PNLDC1: variants seen among roughly 807,000 people sequenced by gnomAD.
PNLDC1 encodes the protein PARN like ribonuclease domain containing exonuclease 1, also known as poly(A)-specific ribonuclease PNLDC1.
A neutral mutation model predicts 82.0 loss-of-function variants in PNLDC1; 70 were observed. The ratio of observed to expected loss-of-function variants is 0.85; its 90% CI spans 0.70 to 1.04. PNLDC1 has a LOEUF of 1.04. PNLDC1 is among the 50% of genes least tolerant of loss of function. The pLI is 0.00. For synonymous variants in PNLDC1, 280 were observed against 249.3 expected (o/e 1.12, Z -1.16); for missense variants, 631 against 661.1 (o/e 0.95, Z 0.50).
chr6:159,808,876 C>T (rs1781547795), intron 8 of PNLDC1, 60 bp downstream of exon 8: 10 of 1,599,190 alleles, frequency 6.3e-6, no homozygotes, highest in Non-Finnish European at 8.6e-6. Context: ...CATAATTGGC[C>T]AAATCTGGCC....
chr6:159,803,701 G>C (rs1225844473), intron 4 of PNLDC1, among the ~76,000 whole-genome samples: 9 of 152,184 alleles, frequency 5.9e-5, no homozygotes, highest in Admixed American at 5.9e-4. Flanking sequence ...AGTTGAGGGT[G>C]CCAGCCTGCA....
chr6:159,803,993 C>G lies in PNLDC1; in HGVS notation c.277C>G (p.Leu93Val), dbSNP rs138958903. 1 of 1,613,198 alleles carries G rather than the reference C, an allele frequency of 6.2e-7. No homozygotes were observed. Among genetic ancestry groups the G allele is most frequent in the African/African-American group, 1.3e-5 (1 of 74,898 alleles). ...TATAGCCCATTCTTGTAACTTCTAT[C>G]TCTTCCCTACAACGTTTGGGATTTT... ...KYIAHSCNFYLFPTTFGILDS... is the reference protein window; with the variant it reads ...KYIAHSCNFYVFPTTFGILDS... Residue 93 changes from leucine to valine, a missense_variant, in exon 5 of 19, where the codon CTC becomes GTC. Coordinates refer to ENST00000392167, the MANE Select transcript of PNLDC1 (RefSeq NM_001271862.2).
intron 1 of PNLDC1, 159 bp from the exon 2 acceptor site, chr6:159,800,613 G>T: frequency 6.3e-7 from 1 of 1,576,868 alleles, no homozygotes; most frequent in Non-Finnish European, 8.6e-7. Flanking sequence ...GTGCCTGGCT[G>T]CTCCTTGCCT....
At chr6:159,814,044 CG>C (rs879022236) in intron 12 of PNLDC1, among the ~76,000 whole-genome samples, 2 of 152,278 alleles carry the variant, frequency 1.3e-5, no homozygotes, top group South Asian at 2.1e-4. Context: ...TGCCCCTTCC[CG>C]GGGTGTCTCC....
intron 15 of PNLDC1, among the ~76,000 whole-genome samples, chr6:159,818,100 C>T (rs1165391729): frequency 1.3e-5 from 2 of 152,230 alleles, no homozygotes. Context: ...GTCTGTGTGG[C>T]CCGTGGTTTT....
At chr6:159,807,613 G>GA (rs1329325277) in intron 7 of PNLDC1, among the ~76,000 whole-genome samples, 1 of 152,214 alleles carries the variant, frequency 6.6e-6, no homozygotes, top group Non-Finnish European at 1.5e-5. Context: ...ACATTTGGGA[G>GA]ACCTACATAA....
intron 12 of PNLDC1, 69 bp downstream of exon 12, chr6:159,813,725 T>G: frequency 7.1e-7 from 1 of 1,409,680 alleles, no homozygotes; most frequent in Non-Finnish European, 1.0e-6. Context: ...CCGCAGGCCT[T>G]TGGGCTCTCT....
chr6:159,803,499 A>C (rs1781336447), intron 4 of PNLDC1, 189 bp downstream of exon 4: 1 of 611,896 alleles, frequency 1.6e-6, no homozygotes. Flanking sequence ...CTCTGGAAGC[A>C]GTACCTTTCC....
intron 7 of PNLDC1, 82 bp from the exon 8 acceptor site, chr6:159,808,658 T>G (rs899694566): frequency 7.6e-7 from 1 of 1,319,136 alleles, no homozygotes; most frequent in Non-Finnish European, 1.1e-6. Context: ...CCATCTCAGC[T>G]TCTGCTCCTC....
intron 9 of PNLDC1, among the ~76,000 whole-genome samples, chr6:159,809,419 G>A (rs1562500799): frequency 6.6e-6 from 1 of 151,782 alleles, no homozygotes; most frequent in South Asian, 2.1e-4. Context: ...TGAGTAGCTG[G>A]GACTACAGGC....
chr6:159,800,165 G>C, upstream of PNLDC1: 2 of 690,106 alleles, frequency 2.9e-6, no homozygotes, highest in East Asian at 2.9e-5. Context: ...AGCAGCACAC[G>C]GGGAAGCTGG....
rs1781230401 is a variant in PNLDC1 at position 159,800,984 on chromosome 6, G to T, written c.135-129G>T. On this transcript the variant is annotated intron_variant, in intron 2 of 18. Transcript: ENST00000392167. ...GCTTTTTTCTGTCCACTAAATGATGGTAGTGCTCCCTAGTTGTTGTAACAA... is the reference window on the plus strand; with the variant it reads ...GCTTTTTTCTGTCCACTAAATGATGTTAGTGCTCCCTAGTTGTTGTAACAA... 7 of 1,437,168 alleles carry T rather than the reference G, an allele frequency of 4.9e-6. No individual in the cohort carries two copies. In the Admixed American group the frequency reaches 1.2e-4, roughly 24 times the overall value. The allele number at this position is 1,437,168 out of a possible 1,614,324, so 89.0% of individuals were successfully genotyped here.
In PNLDC1 at chr6:159,809,743, G is replaced by T. The variant is rs370071429; in HGVS notation, c.784-283G>T. Among the ~76,000 whole-genome samples, 7 of 152,292 alleles carry T rather than the reference G, an allele frequency of 4.6e-5. No homozygotes were observed. The South Asian group carries it at 1.0e-3, about 23-fold the overall frequency. On this transcript the variant is annotated intron_variant, in intron 9 of 18. Transcript: ENST00000392167. ...GGAATTTCAGTACTAACTGACCTAA[G>T]ACTCTTTGGGGAAACTGCAAGTGCC...
Position 159,800,832 on chromosome 6 carries a change from A to G in PNLDC1, c.134+3A>G, listed in dbSNP as rs2115020842. 3 of 1,614,144 alleles carry G rather than the reference A, an allele frequency of 1.9e-6. No individual in the cohort carries two copies. Among genetic ancestry groups the G allele is most frequent in the South Asian group, 1.1e-5 (1 of 91,086 alleles). ...CTGTCTGGGCCCCAGCAGATCAGGT[A>G]AAACTAAAGCTGTGTCCCCTCTGTA... On this transcript the variant is annotated splice_donor_region_variant and intron_variant, in intron 2 of 18. Coordinates refer to ENST00000392167, the MANE Select transcript of PNLDC1 (RefSeq NM_001271862.2).
At chr6:159,800,510 G>T in intron 1 of PNLDC1, 127 bp downstream of exon 1, 1 of 1,310,114 alleles carries the variant, frequency 7.6e-7, no homozygotes, top group Non-Finnish European at 1.0e-6. Flanking sequence ...GGACAGGGGG[G>T]CTTCCTTCTC....
Position 159,819,481 on chromosome 6 carries a change from C to A in PNLDC1, c.1532+129C>A. 1.3e-6 allele frequency: 1 copy of A among 772,840 alleles called. No homozygotes were observed. Among genetic ancestry groups the A allele is most frequent in the Non-Finnish European group, 2.1e-6 (1 of 481,718 alleles). The allele number at this position is 772,840 out of a possible 1,614,324, so 47.9% of individuals were successfully genotyped here. A position where few individuals can be genotyped will look rare whatever the true frequency, so the allele number is the denominator to read the frequency against. On this transcript the variant is annotated intron_variant, in intron 18 of 18. Transcript: ENST00000392167. The surrounding 1 kb of genome is among the most constrained non-coding windows in gnomAD (Gnocchi z 4.6). ...TGTGTTGCCAAGGGGGTTGTGTTGA[C>A]GAGTGTGGTGCCCTGAATGTCCTTC...
chr6:159,819,133 T>G lies in PNLDC1; in HGVS notation c.1433+12T>G. 6.2e-7 allele frequency: 1 copy of G among 1,613,170 alleles called. No homozygotes were observed. Among genetic ancestry groups the G allele is most frequent in the African/African-American group, 1.3e-5 (1 of 75,018 alleles). ...AATAAGTTTAAGGAGTAGGTGCCTCTAAGTCCGCGTCCCCCACCCCTCGTG... is the reference window on the plus strand; with the variant it reads ...AATAAGTTTAAGGAGTAGGTGCCTCGAAGTCCGCGTCCCCCACCCCTCGTG... On this transcript the variant is annotated intron_variant, in intron 17 of 18. Transcript: ENST00000392167. The surrounding 1 kb of genome is among the most constrained non-coding windows in gnomAD (Gnocchi z 4.6).
rs2146163 is a variant in PNLDC1 at position 159,803,314 on chromosome 6, T to C, written c.248+4T>C. Reference sequence around the variant, plus strand: ...CTATTGAAGGAGAGGCAAACAAGTATGTATCAAGAGCTTCTGCAAACATAG... The same window carrying C: ...CTATTGAAGGAGAGGCAAACAAGTACGTATCAAGAGCTTCTGCAAACATAG... On this transcript the variant is annotated splice_donor_region_variant and intron_variant, in intron 4 of 18. Transcript: ENST00000392167. The C allele has an allele frequency of 0.79, 1,277,586 of 1,611,760 alleles. 508,446 individuals carry two copies. The highest frequency in any genetic ancestry group is 0.86 in the Admixed American group (51,603 of 59,980).
At chr6:159,818,117 G>A (rs1014021559) in intron 15 of PNLDC1, among the ~76,000 whole-genome samples, 10 of 152,210 alleles carry the variant, frequency 6.6e-5, no homozygotes. Context: ...TTTTGCCGGG[G>A]CCCTGCGCTC....
Sources: gnomAD v4.1 joint callset for allele counts (sites outside exome capture counted in the v4.1 genomes callset) on GRCh38, gnomAD v4.1.1 for gene constraint, Gnocchi (gnomAD v3.1) non-coding constraint, MANE v1.5 for transcripts, NCBI Gene and HGNC (gene_info 2026-07-23, HGNC 2026-07-21) for gene names.